The following RAB3IL1 variants were observed in gnomAD, a reference collection of about 807,000 sequenced individuals.
The protein encoded by RAB3IL1 is guanine nucleotide exchange factor for Rab-3A.
RAB3IL1 carries 37 observed loss-of-function variants against 49.2 expected under a neutral mutation model. The observed-to-expected ratio is 0.75, with a 90% CI of 0.58 to 0.99. The LOEUF is 0.99. Ranked by LOEUF, RAB3IL1 falls within the 50% of genes least tolerant of loss-of-function variation. The probability of loss-of-function intolerance (pLI) is 0.00; values close to 1 mark genes in which losing one functional copy is unlikely to be tolerated. For synonymous variants in RAB3IL1, 193 were observed against 213.9 expected (o/e 0.90, Z 0.85); for missense variants, 484 against 513.0 (o/e 0.94, Z 0.55).
upstream of RAB3IL1, among the ~76,000 whole-genome samples, chr11:61,919,216 G>A (rs557206058): frequency 1.3e-5 from 2 of 152,334 alleles, no homozygotes; most frequent in East Asian, 3.9e-4. Flanking sequence ...TGGAGGAGGC[G>A]TCAGCTCAGG....
upstream of RAB3IL1, chr11:61,920,226 G>A (rs1939867379): frequency 8.0e-7 from 1 of 1,247,894 alleles, no homozygotes; most frequent in South Asian, 3.4e-5. Flanking sequence ...CCCTCTGGAG[G>A]GTGCCGGGAA....
Position 61,902,197 on chromosome 11 carries a change from C to T in RAB3IL1, c.999+245G>A, listed in dbSNP as rs190103252. The stretch of plus-strand genomic sequence containing the variant: ...GGCGTGGTGGCACATGCCTGTAATC[C>T]CAGCTACTTGGGAAGCTGAGGCAGG... On this transcript the variant is annotated intron_variant, in intron 8 of 9. Coordinates refer to ENST00000394836, the MANE Select transcript of RAB3IL1 (RefSeq NM_013401.4). Among the ~76,000 whole-genome samples, 370 of 152,320 alleles carry T rather than the reference C, an allele frequency of 2.4e-3. 2 individuals carry two copies. Among genetic ancestry groups the T allele is most frequent in the Middle Eastern group, 0.01 (3 of 294 alleles).
chr11:61,906,861 G>A lies in RAB3IL1; in HGVS notation c.439-177C>T, dbSNP rs958354384. On this transcript the variant is annotated intron_variant, in intron 4 of 9. Coordinates refer to ENST00000394836, the MANE Select transcript of RAB3IL1 (RefSeq NM_013401.4). The surrounding 1 kb of genome is among the most constrained non-coding windows in gnomAD (Gnocchi z 4.6). ...CCCAGACACTCGTTTTACACATAGG[G>A]AAACTGAGGCTCACAGAGGCGACAT... Among the ~76,000 whole-genome samples the A allele has an allele frequency of 1.3e-5, 2 of 152,210 alleles. No homozygotes were observed. Among genetic ancestry groups the A allele is most frequent in the African/African-American group, 4.8e-5 (2 of 41,440 alleles).
upstream of RAB3IL1, among the ~76,000 whole-genome samples, chr11:61,920,876 CTGG>C (rs1939889821): frequency 6.6e-6 from 1 of 152,140 alleles, no homozygotes; most frequent in Non-Finnish European, 1.5e-5. Flanking sequence ...TGAGCTGAGA[CTGG>C]GCCATTGCAC....
chr11:61,901,653 T>C (rs1938921682), intron 8 of RAB3IL1, among the ~76,000 whole-genome samples: 1 of 152,226 alleles, frequency 6.6e-6, no homozygotes, highest in African/African-American at 2.4e-5. Context: ...CAAGGCCCTG[T>C]GGCAGGGGAC....
chr11:61,936,294 C>T, the RAB3IL1 span, among the ~76,000 whole-genome samples: 1 of 152,314 alleles, frequency 6.6e-6, no homozygotes, highest in East Asian at 1.9e-4. Context: ...TCAATCTTCA[C>T]ATTCAATAAG....
At chr11:61,908,696 G>C (rs1368879629) in intron 1 of RAB3IL1, among the ~76,000 whole-genome samples, 2 of 152,224 alleles carry the variant, frequency 1.3e-5, no homozygotes, top group African/African-American at 4.8e-5. Flanking sequence ...GTCACTGAAT[G>C]ATCAGAGGAG....
Position 61,898,005 on chromosome 11 carries a change from C to T in RAB3IL1, c.*273G>A, listed in dbSNP as rs986802312. On this transcript the variant is annotated 3_prime_UTR_variant, in exon 10 of 10. Transcript: ENST00000394836. The surrounding 1 kb of genome is among the most constrained non-coding windows in gnomAD (Gnocchi z 5.1). ...GGCTGAGGCCCCCCGAGTATGGATCCGAGCTCCCTGGTCTTTGGTGCTTTC... is the reference window on the plus strand; with the variant it reads ...GGCTGAGGCCCCCCGAGTATGGATCTGAGCTCCCTGGTCTTTGGTGCTTTC... The T allele has an allele frequency of 1.6e-5, 7 of 441,932 alleles. No individual in the cohort carries two copies. The highest frequency in any genetic ancestry group is 1.2e-4 in the Admixed American group (3 of 25,442). 27.4% of individuals were successfully genotyped at this position (441,932 alleles called of 1,614,324 possible).
chr11:61,934,448 A>G, the RAB3IL1 span, among the ~76,000 whole-genome samples: 5,108 of 19,352 alleles, frequency 0.26, 393 homozygotes, highest in African/African-American at 0.41. Flanking sequence ...GTGTGTGTGT[A>G]TGTATATATA....
chr11:61,923,085 G>A (rs1478524872), upstream of RAB3IL1, among the ~76,000 whole-genome samples: 1 of 152,232 alleles, frequency 6.6e-6, no homozygotes, highest in African/African-American at 2.4e-5. Flanking sequence ...GGGCGGGAGA[G>A]GGGAAACTGA....
rs1399721704 is a variant in RAB3IL1, at chr11:61,898,599, AC to A, written c.1067-240del. 1.3e-5 allele frequency among the ~76,000 whole-genome samples: 2 copies of A among 152,026 alleles called. No individual in the cohort carries two copies. Among genetic ancestry groups the A allele is most frequent in the Non-Finnish European group, 1.5e-5 (1 of 68,002 alleles). ...ATCTGTTTGCACTACACTGACGGCCACCCCCACAGCCCGACGCAGACAAGCA... is the reference window on the plus strand; with the variant it reads ...ATCTGTTTGCACTACACTGACGGCCACCCCACAGCCCGACGCAGACAAGCA... On this transcript the variant is annotated intron_variant, in intron 9 of 9. Coordinates refer to ENST00000394836, the MANE Select transcript of RAB3IL1 (RefSeq NM_013401.4). The surrounding 1 kb of genome is among the most constrained non-coding windows in gnomAD (Gnocchi z 5.1).
chr11:61,944,266 C>CTTCCTTCCTTCCTTCCTTCCTTA, the RAB3IL1 span, among the ~76,000 whole-genome samples: 1 of 76,772 alleles, frequency 1.3e-5, no homozygotes, highest in East Asian at 2.3e-4. Flanking sequence ...TTCCTTCCTT[C>CTTCCTTCCTTCCTTCCTTCCTTA]CTTCCCTCCT....
At chr11:61,924,880 G>A (rs531135658), upstream of RAB3IL1, among the ~76,000 whole-genome samples, 44 of 152,146 alleles carry the variant, frequency 2.9e-4, no homozygotes, top group Non-Finnish European at 5.3e-4. Flanking sequence ...CTGTTCACCC[G>A]CTCTCAACTC....
chr11:61,905,005 A>C (rs1471638512), intron 5 of RAB3IL1, 123 bp from the exon 6 acceptor site: 4 of 726,188 alleles, frequency 5.5e-6, no homozygotes, highest in Non-Finnish European at 6.9e-6. Flanking sequence ...CAGCAGGTCG[A>C]TCCCCAGCAG....
upstream of RAB3IL1, among the ~76,000 whole-genome samples, chr11:61,922,208 CAA>C (rs1407437854): frequency 1.7e-5 from 2 of 116,882 alleles, no homozygotes. Flanking sequence ...GACTCCGTCT[CAA>C]AAAAAAAAAA....
the RAB3IL1 span, among the ~76,000 whole-genome samples, chr11:61,936,170 G>A: frequency 2.0e-5 from 3 of 152,044 alleles, no homozygotes; most frequent in Non-Finnish European, 4.4e-5. Context: ...GAATACCATC[G>A]AGCATAACAA....
the RAB3IL1 span, among the ~76,000 whole-genome samples, chr11:61,933,946 G>GA: frequency 1.3e-4 from 19 of 149,756 alleles, no homozygotes; most frequent in Admixed American, 4.7e-4. Context: ...CCTTGTCTCA[G>GA]AAAAAAAAAG....
chr11:61,908,022 C>T (rs754781077), intron 2 of RAB3IL1, 32 bp downstream of exon 2: 35 of 1,577,630 alleles, frequency 2.2e-5, no homozygotes, highest in Middle Eastern at 1.7e-4. Flanking sequence ...TTCTCCCCAC[C>T]GAAGACCCCC....
chr11:61,920,038 C>A, upstream of RAB3IL1: 2 of 1,258,840 alleles, frequency 1.6e-6, no homozygotes, highest in Non-Finnish European at 2.0e-6. Flanking sequence ...GTCCTGAGCT[C>A]ACCTGTCTGT....
Sources: gnomAD v4.1 joint callset for allele counts (sites outside exome capture counted in the v4.1 genomes callset) on GRCh38, gnomAD v4.1.1 for gene constraint, Gnocchi (gnomAD v3.1) non-coding constraint, MANE v1.5 for transcripts, NCBI Gene and HGNC (gene_info 2026-07-23, HGNC 2026-07-21) for gene names.